The following PARD3 variants were observed in gnomAD, a reference collection of about 807,000 sequenced individuals.
PARD3 encodes the protein partitioning defective 3 homolog.
In PARD3, 75 loss-of-function variants were observed where a neutral mutation model predicts 155.4. The observed-to-expected ratio is 0.48, with a 90% CI of 0.40 to 0.58. PARD3 has a LOEUF of 0.58. Among genes scored for constraint, PARD3 ranks in the 20% least tolerant of loss-of-function variants. The pLI, the probability that PARD3 is intolerant of heterozygous loss-of-function variation, is 0.00. For synonymous variants in PARD3, 576 were observed against 610.5 expected (o/e 0.94, Z 0.83); for missense variants, 1,642 against 1,721.7 (o/e 0.95, Z 0.82).
chr10:34,791,282 A>C (rs1034635365), intron 1 of PARD3, among the ~76,000 whole-genome samples: 2 of 152,156 alleles, frequency 1.3e-5, no homozygotes, highest in African/African-American at 4.8e-5. Flanking sequence ...CCCAGGTAGA[A>C]GCCACTGGCC....
chr10:34,797,928 G>A (rs1564629669), intron 1 of PARD3, among the ~76,000 whole-genome samples: 1 of 152,156 alleles, frequency 6.6e-6, no homozygotes, highest in Non-Finnish European at 1.5e-5. Flanking sequence ...TAACAGGCAG[G>A]AGAATTGAAT....
Position 34,337,411 on chromosome 10 carries a change from A to AT in PARD3, c.2423dup (p.Asp808GlufsTer3). The AT allele has an allele frequency of 1.3e-6, 2 of 1,582,850 alleles. No individual in the cohort carries two copies. The highest frequency in any genetic ancestry group is 1.7e-6 in the Non-Finnish European group (2 of 1,168,606). ...GTTGAAAAGCAAGAACTGGATCAACATCTGGACTCAAAGAGCTGGAGTGAA... is the reference window on the plus strand; with the variant it reads ...GTTGAAAAGCAAGAACTGGATCAACATTCTGGACTCAAAGAGCTGGAGTGAA... On this transcript the variant is annotated frameshift_variant, in exon 17 of 25. Transcript: ENST00000374788. LOFTEE classifies it high-confidence loss of function.
intron 11 of PARD3, among the ~76,000 whole-genome samples, chr10:34,373,556 T>G (rs1286819911): frequency 6.6e-6 from 1 of 151,836 alleles, no homozygotes; most frequent in African/African-American, 2.4e-5. Context: ...CATTTACAAT[T>G]TAATAGAGAC....
intron 2 of PARD3, among the ~76,000 whole-genome samples, chr10:34,687,846 CTTTTTTTTTTT>C (rs397846339): frequency 6.3e-5 from 4 of 63,712 alleles, no homozygotes; most frequent in East Asian, 1.1e-3. Flanking sequence ...CACCTGAAAT[CTTTTTTTTTTT>C]TTTTTTTTTT....
At chr10:34,565,412 C>T (rs2085851546) in intron 2 of PARD3, among the ~76,000 whole-genome samples, 1 of 151,290 alleles carries the variant, frequency 6.6e-6, no homozygotes, top group Admixed American at 6.6e-5. Context: ...GGATTACAGG[C>T]GTGAGATACC....
chr10:34,413,815 T>C (rs73259252), intron 5 of PARD3, among the ~76,000 whole-genome samples: 3,215 of 152,160 alleles, frequency 0.021, 112 homozygotes, highest in African/African-American at 0.073. Context: ...TTCTTTAGAG[T>C]AGCAAGTCAG....
At chr10:34,142,409 C>G (rs1778873) in intron 22 of PARD3, among the ~76,000 whole-genome samples, 36,659 of 151,378 alleles carry the variant, frequency 0.24, 5,098 homozygotes, top group Non-Finnish European at 0.3. Flanking sequence ...TGTGGTGGTG[C>G]GTGTAGGCCC....
intron 2 of PARD3, among the ~76,000 whole-genome samples, chr10:34,520,190 T>G (rs926426962): frequency 2.6e-5 from 4 of 152,196 alleles, no homozygotes; most frequent in African/African-American, 7.2e-5. Flanking sequence ...AACATTTATA[T>G]ATCATCAATC....
chr10:34,347,459 A>C (rs900914691), intron 15 of PARD3, among the ~76,000 whole-genome samples: 2 of 152,262 alleles, frequency 1.3e-5, no homozygotes, highest in African/African-American at 4.8e-5. Flanking sequence ...AGAAAAGTAA[A>C]ATACAATTAA....
At chr10:34,145,722 A>T (rs10466069) in intron 22 of PARD3, among the ~76,000 whole-genome samples, 10,972 of 152,008 alleles carry the variant, frequency 0.072, 1,270 homozygotes, top group African/African-American at 0.25. Context: ...CTCTTCTCTT[A>T]ATTTTATGTT....
At chr10:34,812,394 A>G (rs1329314056) in intron 1 of PARD3, among the ~76,000 whole-genome samples, 6 of 152,304 alleles carry the variant, frequency 3.9e-5, no homozygotes, top group Admixed American at 2.6e-4. Context: ...CAGCCACCCA[A>G]TTCTTCACAC....
intron 5 of PARD3, among the ~76,000 whole-genome samples, chr10:34,415,479 T>C (rs1044819213): frequency 2.6e-5 from 4 of 152,224 alleles, no homozygotes; most frequent in African/African-American, 9.7e-5. Context: ...ATATGTATTG[T>C]TTTACATTCT....
At chr10:34,706,894 G>C (rs1255847044) in intron 1 of PARD3, among the ~76,000 whole-genome samples, 2 of 152,138 alleles carry the variant, frequency 1.3e-5, no homozygotes, top group East Asian at 3.8e-4. Flanking sequence ...GATCATTTGA[G>C]CCCAGGAGTT....
intron 1 of PARD3, among the ~76,000 whole-genome samples, chr10:34,738,424 G>A (rs1488942748): frequency 1.3e-5 from 2 of 152,142 alleles, no homozygotes; most frequent in East Asian, 1.9e-4. Flanking sequence ...GGATCTTCTC[G>A]TCTTGGGGTC....
intron 1 of PARD3, among the ~76,000 whole-genome samples, chr10:34,708,916 C>T (rs2094408793): frequency 6.6e-6 from 1 of 152,052 alleles, no homozygotes; most frequent in African/African-American, 2.4e-5. Flanking sequence ...GTGATAATAG[C>T]TTTGTGGATA....
intron 16 of PARD3, 113 bp downstream of exon 16, chr10:34,341,512 ACC>A: frequency 1.4e-6 from 1 of 703,202 alleles, no homozygotes; most frequent in Admixed American, 3.2e-5. Context: ...GTATATAAAA[ACC>A]ATGAAGACAG....
intron 2 of PARD3, among the ~76,000 whole-genome samples, chr10:34,607,232 T>G (rs1039213003): frequency 4.6e-5 from 7 of 152,098 alleles, no homozygotes; most frequent in African/African-American, 1.7e-4. Context: ...TGTAAGAAAT[T>G]CCGGCATTTT....
chr10:34,665,066 T>G (rs970706681), intron 2 of PARD3, among the ~76,000 whole-genome samples: 1 of 151,758 alleles, frequency 6.6e-6, no homozygotes, highest in African/African-American at 2.4e-5. Context: ...AGAGGCAATA[T>G]AAGTAAAACC....
intron 20 of PARD3, among the ~76,000 whole-genome samples, chr10:34,301,211 A>G (rs1279487449): frequency 6.6e-6 from 1 of 152,212 alleles, no homozygotes; most frequent in Non-Finnish European, 1.5e-5. Flanking sequence ...ATATAGAAAT[A>G]TTCAAGTATA....
Sources: gnomAD v4.1 joint callset for allele counts (sites outside exome capture counted in the v4.1 genomes callset) on GRCh38, gnomAD v4.1.1 for gene constraint, MANE v1.5 for transcripts, NCBI Gene and HGNC (gene_info 2026-07-23, HGNC 2026-07-21) for gene names.